Variants in NUDT2 observed in about 807,000 individuals in gnomAD.
NUDT2 encodes the protein bis(5'-nucleosyl)-tetraphosphatase [asymmetrical].
A neutral mutation model predicts 14.2 loss-of-function variants in NUDT2; 12 were observed. That is an observed-to-expected ratio of 0.84 (90% confidence interval 0.54 to 1.37). The LOEUF is 1.37. Among genes scored for constraint, NUDT2 ranks in the 40% most tolerant of loss-of-function variants. The pLI is 0.00. For missense variants in NUDT2, 167 were observed against 176.7 expected (o/e 0.95, Z 0.31); for synonymous variants, 67 against 67.4 (o/e 0.99, Z 0.03).
intron 1 of NUDT2, among the ~76,000 whole-genome samples, chr9:34,334,203 T>C (rs112980677): frequency 2.0e-5 from 3 of 152,242 alleles, no homozygotes; most frequent in African/African-American, 4.8e-5. Context: ...CTTTTTTTGG[T>C]ACCTAGGTCC....
chr9:34,339,011 C>G lies in NUDT2; in HGVS notation c.-16-13C>G. 1 of 1,596,398 alleles carries G rather than the reference C, an allele frequency of 6.3e-7. No homozygotes were observed. Among genetic ancestry groups the G allele is most frequent in the South Asian group, 1.1e-5 (1 of 90,348 alleles). ...TGTGTAACTTCCCAATATTCTGTAT[C>G]TTCTTTGTTAAGTCCTTAGGATAAG... On this transcript the variant is annotated splice_polypyrimidine_tract_variant and intron_variant, in intron 3 of 4. Coordinates refer to ENST00000379158, the MANE Select transcript of NUDT2 (RefSeq NM_001161.5).
chr9:34,331,653 G>T (rs554742739), intron 1 of NUDT2, among the ~76,000 whole-genome samples: 2 of 152,098 alleles, frequency 1.3e-5, no homozygotes, highest in Non-Finnish European at 2.9e-5. Context: ...CGTGGTCTTG[G>T]TAGAGAAGGG....
At chr9:34,339,434 G>A (rs541852789) in intron 4 of NUDT2, among the ~76,000 whole-genome samples, 2 of 152,176 alleles carry the variant, frequency 1.3e-5, no homozygotes, top group Non-Finnish European at 2.9e-5. Context: ...GTGGTGAATG[G>A]CTGGGTAAGA....
chr9:34,340,142 G>A (rs2131860570), intron 4 of NUDT2, among the ~76,000 whole-genome samples: 1 of 152,194 alleles, frequency 6.6e-6, no homozygotes, highest in Admixed American at 6.5e-5. Flanking sequence ...CACCATGTTG[G>A]CCAGGCTGGT....
chr9:34,341,269 A>G (rs144562830), intron 4 of NUDT2, among the ~76,000 whole-genome samples: 89 of 152,296 alleles, frequency 5.8e-4, no homozygotes, highest in African/African-American at 2.0e-3. Context: ...ATTAACACTG[A>G]TGGACAGAAT....
chr9:34,330,420 C>CA (rs550448422), intron 1 of NUDT2, among the ~76,000 whole-genome samples: 245 of 150,820 alleles, frequency 1.6e-3, no homozygotes, highest in Admixed American at 3.4e-3. Context: ...CAAAACAAAA[C>CA]AAAAAAAAAC....
At chr9:34,336,996 C>CTTTT (rs145996244) in intron 2 of NUDT2, among the ~76,000 whole-genome samples, 12 of 109,192 alleles carry the variant, frequency 1.1e-4, no homozygotes, top group Non-Finnish European at 1.3e-4. Context: ...ATATGTACAT[C>CTTTT]TTTTTTTTTT....
intron 1 of NUDT2, among the ~76,000 whole-genome samples, chr9:34,331,001 G>A (rs945034456): frequency 1.3e-5 from 2 of 152,272 alleles, no homozygotes; most frequent in East Asian, 3.8e-4. Context: ...ATAAGAACAG[G>A]CAAATACACT....
chr9:34,340,019 C>CCG (rs1370419333), intron 4 of NUDT2, among the ~76,000 whole-genome samples: 2 of 151,978 alleles, frequency 1.3e-5, no homozygotes, highest in Non-Finnish European at 2.9e-5. Flanking sequence ...ACTGCAACCT[C>CCG]CATCTCCCAG....
At chr9:34,338,109 T>C (rs1250600441) in intron 2 of NUDT2, among the ~76,000 whole-genome samples, 1 of 142,438 alleles carries the variant, frequency 7.0e-6, no homozygotes, top group Admixed American at 7.2e-5. Flanking sequence ...CCACTTCTGT[T>C]TGGGAGTTTG....
chr9:34,338,171 A>AG (rs1361701585), intron 2 of NUDT2, among the ~76,000 whole-genome samples: 1 of 146,054 alleles, frequency 6.8e-6, no homozygotes, highest in Non-Finnish European at 1.5e-5. Context: ...AAAAAAAAAA[A>AG]AAAAAAAAAA....
At chr9:34,333,760 A>G (rs572397178) in intron 1 of NUDT2, among the ~76,000 whole-genome samples, 1 of 150,950 alleles carries the variant, frequency 6.6e-6, no homozygotes, top group Non-Finnish European at 1.5e-5. Flanking sequence ...CTACTCTTTC[A>G]TGGTGAACAG....
chr9:34,336,549 C>A (rs1487048973), intron 2 of NUDT2, among the ~76,000 whole-genome samples: 48 of 150,674 alleles, frequency 3.2e-4, no homozygotes, highest in Admixed American at 3.2e-3. Flanking sequence ...TTTTCTTTTT[C>A]TTTTGTTTTT....
At chr9:34,335,612 C>T (rs1465889152) in intron 1 of NUDT2, among the ~76,000 whole-genome samples, 1 of 152,190 alleles carries the variant, frequency 6.6e-6, no homozygotes, top group Non-Finnish European at 1.5e-5. Flanking sequence ...GAATAGCTGG[C>T]TCAAGCCAAG....
At chr9:34,338,136 CATAGTA>C (rs1838137333) in intron 2 of NUDT2, among the ~76,000 whole-genome samples, 1 of 68,054 alleles carries the variant, frequency 1.5e-5, no homozygotes, top group Non-Finnish European at 2.6e-5. Flanking sequence ...GTCTAGGCAA[CATAGTA>C]AGTCCCTGTT....
intron 1 of NUDT2, among the ~76,000 whole-genome samples, chr9:34,330,664 C>T (rs767436709): frequency 6.6e-6 from 1 of 152,154 alleles, no homozygotes; most frequent in Non-Finnish European, 1.5e-5. Context: ...GTAGTAACTT[C>T]TTAAAAAATG....
intron 2 of NUDT2, among the ~76,000 whole-genome samples, chr9:34,338,174 A>G (rs1838140500): frequency 6.8e-6 from 1 of 146,288 alleles, no homozygotes; most frequent in Admixed American, 6.8e-5. Context: ...AAAAAAAAAA[A>G]AAAAAAAAGG....
intron 1 of NUDT2, among the ~76,000 whole-genome samples, chr9:34,333,047 C>T (rs890321003): frequency 2.6e-5 from 4 of 152,096 alleles, no homozygotes; most frequent in Non-Finnish European, 5.9e-5. Context: ...TGGCTTTCCT[C>T]CTCATCTGGA....
At chr9:34,334,871 C>T (rs1326533625) in intron 1 of NUDT2, among the ~76,000 whole-genome samples, 1 of 152,104 alleles carries the variant, frequency 6.6e-6, no homozygotes, top group Non-Finnish European at 1.5e-5. Context: ...TGAGGGTTGT[C>T]CACAAGAAAA....
Sources: allele counts gnomAD v4.1 joint callset (sites outside exome capture counted in the v4.1 genomes callset), GRCh38; gene constraint gnomAD v4.1.1; transcripts MANE v1.5; gene names NCBI Gene and HGNC (gene_info 2026-07-23, HGNC 2026-07-21).